The following DNM1 variants were observed in gnomAD, a reference collection of about 807,000 sequenced individuals.
DNM1 encodes dynamin 1.
Under a neutral mutation model 104.6 loss-of-function variants are expected in DNM1, and 29 were observed. The ratio of observed to expected loss-of-function variants is 0.28; its 90% CI spans 0.21 to 0.38. The LOEUF (loss-of-function observed/expected upper bound fraction) is 0.38, where lower values mean the gene tolerates loss of function less well. Among genes scored for constraint, DNM1 ranks in the 10% least tolerant of loss-of-function variants. The pLI is 1.00. For missense variants in DNM1, 640 were observed against 1,189.4 expected, an observed-to-expected ratio of 0.54 and a Z score of 6.79; for synonymous variants, 445 against 475.8, an observed-to-expected ratio of 0.94 and a Z score of 0.84.
intron 10 of DNM1, among the ~76,000 whole-genome samples, chr9:128,228,359 A>C (rs868015551): frequency 4.3e-4 from 65 of 152,000 alleles, no homozygotes; most frequent in Middle Eastern, 3.4e-3. Context: ...TTTTTTTGTT[A>C]AGACAGGATC....
intron 1 of DNM1, among the ~76,000 whole-genome samples, chr9:128,211,646 A>C (rs540174074): frequency 2.0e-4 from 31 of 152,070 alleles, no homozygotes; most frequent in African/African-American, 7.0e-4. Flanking sequence ...TATTGGGATT[A>C]CAGGATTCCA....
chr9:128,221,595 C>T (rs1329499470), intron 6 of DNM1, among the ~76,000 whole-genome samples: 5 of 152,108 alleles, frequency 3.3e-5, no homozygotes, highest in Non-Finnish European at 7.3e-5. Context: ...CTCAGACGCA[C>T]GTCTAAAAAT....
intron 10 of DNM1, among the ~76,000 whole-genome samples, chr9:128,226,604 G>C (rs1266729736): frequency 6.6e-6 from 1 of 152,114 alleles, no homozygotes; most frequent in East Asian, 1.9e-4. Context: ...TTTTAGGAAG[G>C]ACAGAGGAAG....
intron 11 of DNM1, among the ~76,000 whole-genome samples, chr9:128,235,365 G>T (rs1386961660): frequency 6.6e-6 from 1 of 151,866 alleles, no homozygotes; most frequent in Non-Finnish European, 1.5e-5. Context: ...TTGGTGGTGG[G>T]CGCCTGTAAT....
In DNM1 at chr9:128,218,868, C is replaced by G; in HGVS notation, c.385+137C>G. The stretch of plus-strand genomic sequence containing the variant: ...TCATCCTATTCCAAGCTCCACCCTG[C>G]CGTGATTCCGCCCACTTCCGGCCAC... On this transcript the variant is annotated intron_variant, in intron 3 of 21. Transcript: ENST00000372923. The surrounding 1 kb of genome is among the most constrained non-coding windows in gnomAD (Gnocchi z 4.8). 3 of 1,337,008 alleles carry G rather than the reference C, an allele frequency of 2.2e-6. No individual in the cohort carries two copies. The East Asian group carries it at 7.6e-5, about 34-fold the overall frequency. 82.8% of individuals were successfully genotyped at this position (1,337,008 alleles called of 1,614,324 possible).
At chr9:128,213,104 T>C (rs915822078) in intron 1 of DNM1, among the ~76,000 whole-genome samples, 3 of 152,190 alleles carry the variant, frequency 2.0e-5, no homozygotes, top group Non-Finnish European at 4.4e-5. Flanking sequence ...TTGTTTGAGA[T>C]AGAGTCTCAC....
chr9:128,238,710 C>T (rs1836169061), intron 11 of DNM1, among the ~76,000 whole-genome samples: 1 of 149,800 alleles, frequency 6.7e-6, no homozygotes, highest in Non-Finnish European at 1.5e-5. Context: ...GGCTGGAGTG[C>T]AGTGGTGCCA....
At chr9:128,219,503 T>C (rs1834813044) in intron 4 of DNM1, among the ~76,000 whole-genome samples, 1 of 150,120 alleles carries the variant, frequency 6.7e-6, no homozygotes, top group Non-Finnish European at 1.5e-5. Context: ...ACCCCATTTC[T>C]ACAAAAAATT....
chr9:128,247,057 A>G lies in DNM1; in HGVS notation c.1782-318A>G. ...CAGAGGGGTCCTTAGAGAGCCACGGAGAAAGCTGGTGGGATCTGGGCCCCA... is the reference window on the plus strand; with the variant it reads ...CAGAGGGGTCCTTAGAGAGCCACGGGGAAAGCTGGTGGGATCTGGGCCCCA... On this transcript the variant is annotated intron_variant, in intron 16 of 21. Coordinates refer to ENST00000372923, the MANE Select transcript of DNM1 (RefSeq NM_004408.4). The surrounding 1 kb of genome is among the most constrained non-coding windows in gnomAD (Gnocchi z 5.1). The G allele has an allele frequency of 3.9e-6, 1 of 257,548 alleles. No homozygotes were observed. The highest frequency in any genetic ancestry group is 7.6e-6 in the Non-Finnish European group (1 of 132,212). The allele number at this position is 257,548 out of a possible 1,614,324, so 16.0% of individuals were successfully genotyped here.
At chr9:128,250,625 C>A (rs1161185439) in intron 20 of DNM1, 100 bp from the exon 21 acceptor site, 4 of 1,110,954 alleles carry the variant, frequency 3.6e-6, no homozygotes, top group East Asian at 3.0e-5. Context: ...GAGGGGCTTG[C>A]GTGCATGGGC....
At chr9:128,236,003 G>A (rs1275152653) in intron 11 of DNM1, among the ~76,000 whole-genome samples, 1 of 152,232 alleles carries the variant, frequency 6.6e-6, no homozygotes, top group African/African-American at 2.4e-5. Context: ...ATGAGCCACC[G>A]TGCCCAGGCT....
chr9:128,254,938 A>ATATGAGTATT lies in DNM1; in HGVS notation c.*227_*228insGAGTATTTAT. On this transcript the variant is annotated 3_prime_UTR_variant, in exon 22 of 22. Coordinates refer to ENST00000372923, the MANE Select transcript of DNM1 (RefSeq NM_004408.4). This position sits in a 1 kb window ranked among gnomAD's most constrained non-coding sequence, Gnocchi z 6.1. ...TCTATAAATATCTATAAATACTCAT[A>ATATGAGTATT]TATATACACACCTACACATGGCCAA... 3 of 507,110 alleles carry ATATGAGTATT rather than the reference A, an allele frequency of 5.9e-6. No homozygotes were observed. In the South Asian group the frequency reaches 7.9e-5, roughly 13 times the overall value. The allele number at this position is 507,110 out of a possible 1,614,324, so 31.4% of individuals were successfully genotyped here. A position where few individuals can be genotyped will look rare whatever the true frequency, so the allele number is the denominator to read the frequency against.
intron 1 of DNM1, among the ~76,000 whole-genome samples, chr9:128,213,372 G>A (rs3003573): frequency 0.61 from 92,951 of 151,930 alleles, 30,615 homozygotes; most frequent in Middle Eastern, 0.8. Context: ...GTGAGCCACC[G>A]CACCTTGTCA....
Position 128,248,359 on chromosome 9 carries a change from G to A in DNM1, c.1906-224G>A, listed in dbSNP as rs559339653. The stretch of plus-strand genomic sequence containing the variant: ...ATAATAATTTCTGGATTGGGAAATT[G>A]AGGCAAATTCTAGGCACTAGAGTCA... On this transcript the variant is annotated intron_variant, in intron 18 of 21. Transcript: ENST00000372923. This position sits in a 1 kb window ranked among gnomAD's most constrained non-coding sequence, Gnocchi z 5.6. The A allele has an allele frequency of 3.9e-5, 21 of 541,278 alleles. No homozygotes were observed. The South Asian group carries it at 5.8e-4, about 15-fold the overall frequency. 33.5% of individuals were successfully genotyped at this position (541,278 alleles called of 1,614,324 possible).
chr9:128,254,656 G>A lies in DNM1; in HGVS notation c.2537G>A (p.Arg846Gln), dbSNP rs758567328. The A allele has an allele frequency of 5.0e-6, 8 of 1,595,090 alleles. No individual in the cohort carries two copies. Among genetic ancestry groups the A allele is most frequent in the Admixed American group, 1.7e-5 (1 of 59,934 alleles). Residue 846 changes from arginine (R) to glutamine (Q), a missense_variant and splice_region_variant, in exon 22 of 22, where the codon CGA becomes CAA. By Grantham distance (43) the Arg-to-Gln change is conservative (BLOSUM62 1). This residue lies in a region of DNM1 where 37 missense variants were observed against 35.6 expected (regional missense o/e 1.04). Transcript: ENST00000372923. This position sits in a 1 kb window ranked among gnomAD's most constrained non-coding sequence, Gnocchi z 6.1. ...TCTGCTTTCTCTCCAACTGCCAGCC[G>A]ATCGGGTCAGGCAAGTCCATCCCGT... ...PNRAPPGVPS[R>Q]SGQASPSRPE...
At chr9:128,252,453 C>T (rs1207015427) in intron 21 of DNM1, 3 of 400,092 alleles carry the variant, frequency 7.5e-6, no homozygotes, top group Admixed American at 3.0e-5. Context: ...GATAGGCTTA[C>T]GTGGCAAGGA....
chr9:128,225,043 A>C (rs1216745412), intron 10 of DNM1, among the ~76,000 whole-genome samples: 1 of 152,112 alleles, frequency 6.6e-6, no homozygotes, highest in Non-Finnish European at 1.5e-5. Flanking sequence ...GCACGCAGGG[A>C]GGCAGGACAG....
Position 128,249,970 on chromosome 9 carries a change from G to A in DNM1, c.2077-145G>A, listed in dbSNP as rs2131296559. ...CTCATCTGAGTGAGAAAAGCGCGGTGGGGAGGTGAATCTTCCAGTCTACGC... is the reference window on the plus strand; with the variant it reads ...CTCATCTGAGTGAGAAAAGCGCGGTAGGGAGGTGAATCTTCCAGTCTACGC... On this transcript the variant is annotated intron_variant, in intron 19 of 21. Coordinates refer to ENST00000372923, the MANE Select transcript of DNM1 (RefSeq NM_004408.4). 10 of 1,186,124 alleles carry A rather than the reference G, an allele frequency of 8.4e-6. No individual in the cohort carries two copies. In the South Asian group the frequency reaches 1.4e-4, roughly 17 times the overall value. The allele number at this position is 1,186,124 out of a possible 1,614,324, so 73.5% of individuals were successfully genotyped here.
At chr9:128,246,278 C>T (rs1836811805) in intron 15 of DNM1, 116 bp from the exon 16 acceptor site, 2 of 749,414 alleles carry the variant, frequency 2.7e-6, no homozygotes, top group African/African-American at 3.4e-5. Flanking sequence ...TGCACCTTCG[C>T]AGTGGGAGGG....
Sources: allele counts gnomAD v4.1 joint callset (sites outside exome capture counted in the v4.1 genomes callset), GRCh38; gene constraint gnomAD v4.1.1; regional missense constraint gnomAD v4.1.1; non-coding constraint Gnocchi (gnomAD v3.1); transcripts MANE v1.5; gene names NCBI Gene and HGNC (gene_info 2026-07-23, HGNC 2026-07-21).